Variants in DOCK7 observed in about 807,000 individuals in gnomAD.
The protein encoded by DOCK7 is dedicator of cytokinesis protein 7.
A neutral mutation model predicts 271.0 loss-of-function variants in DOCK7; 138 were observed. That is an observed-to-expected ratio of 0.51 (90% confidence interval 0.44 to 0.59). DOCK7 has a LOEUF of 0.59. Ranked by LOEUF, DOCK7 falls within the 20% of genes least tolerant of loss-of-function variation. The pLI is 0.00. For missense variants in DOCK7, 2,066 were observed against 2,592.4 expected, an observed-to-expected ratio of 0.80 and a Z score of 4.41; for synonymous variants, 823 against 876.1, an observed-to-expected ratio of 0.94 and a Z score of 1.07.
intron 14 of DOCK7, among the ~76,000 whole-genome samples, chr1:62,618,398 T>G (rs1421817583): frequency 6.6e-6 from 1 of 152,136 alleles, no homozygotes; most frequent in Non-Finnish European, 1.5e-5. Flanking sequence ...CACTAAGGTG[T>G]GATGCTCAGC....
In DOCK7 at chr1:62,640,584, T is replaced by A. The variant is rs796091192; in HGVS notation, c.819-3981A>T. ...TTTGTTCCCTTTCAAAGTGATTTAT[T>A]TGATTCTGATCACAAAATACAGGGA... On this transcript the variant is annotated intron_variant, in intron 7 of 49. Transcript: ENST00000635253. Among the ~76,000 whole-genome samples the A allele has an allele frequency of 1.9e-4, 29 of 152,288 alleles. 2 individuals carry two copies. The highest frequency in any genetic ancestry group is 6.5e-4 in the African/African-American group (27 of 41,554).
chr1:62,558,867 C>T (rs1390066386), intron 20 of DOCK7, 122 bp downstream of exon 20: 3 of 740,080 alleles, frequency 4.1e-6, no homozygotes, highest in African/African-American at 3.6e-5. Context: ...TAACATCTTC[C>T]ACCCCAAATC....
At chr1:62,518,026 C>T (rs1420607100) in intron 31 of DOCK7, among the ~76,000 whole-genome samples, 1 of 152,126 alleles carries the variant, frequency 6.6e-6, no homozygotes, top group Non-Finnish European at 1.5e-5. Flanking sequence ...CTATACATAT[C>T]AACATAAATG....
At chr1:62,637,062 A>G (rs1053829132) in intron 7 of DOCK7, among the ~76,000 whole-genome samples, 16 of 152,222 alleles carry the variant, frequency 1.1e-4, no homozygotes, top group Non-Finnish European at 1.5e-4. Context: ...ATCATAATTA[A>G]CAGTTTAATG....
chr1:62,586,485 A>T (rs1647543779), intron 15 of DOCK7, 22 bp downstream of exon 15: 4 of 1,531,550 alleles, frequency 2.6e-6, no homozygotes, highest in Admixed American at 2.0e-5. Flanking sequence ...AAAAATTAGA[A>T]AAGTAAAAGA....
chr1:62,469,809 A>G (rs1435125182), intron 48 of DOCK7, among the ~76,000 whole-genome samples: 1 of 152,180 alleles, frequency 6.6e-6, no homozygotes, highest in Non-Finnish European at 1.5e-5. Context: ...CATATGAAAA[A>G]ATGCTCAACA....
intron 16 of DOCK7, among the ~76,000 whole-genome samples, chr1:62,580,714 G>A (rs985751066): frequency 1.3e-5 from 2 of 152,052 alleles, no homozygotes; most frequent in African/African-American, 4.8e-5. Flanking sequence ...GCAACAGCAG[G>A]AATATAAGTA....
At chr1:62,501,166 AG>A (rs1646772656) in intron 37 of DOCK7, among the ~76,000 whole-genome samples, 1 of 152,180 alleles carries the variant, frequency 6.6e-6, no homozygotes, top group South Asian at 2.1e-4. Context: ...TGGGCAACAA[AG>A]TGAGTTCCTG....
rs1363917923 is a variant in DOCK7 at position 62,504,779 on chromosome 1, G to C, written c.4615C>G (p.Pro1539Ala). 6.2e-7 allele frequency: 1 copy of C among 1,609,496 alleles called. No individual in the cohort carries two copies. Among genetic ancestry groups the C allele is most frequent in the South Asian group, 1.1e-5 (1 of 89,702 alleles). ...ATQRALVSKF[P>A]ELLFEEETEQ... Reference sequence around the variant, plus strand: ...GTCTCTTCTTCAAATAAGAGTTCAGGAAACTGTAAAACAACAAAACAAACC... The same window carrying C: ...GTCTCTTCTTCAAATAAGAGTTCAGCAAACTGTAAAACAACAAAACAAACC... The change falls in exon 37 of 50, where the codon CCT (proline) becomes GCT (alanine). Residue 1539 changes from proline (P) to alanine (A), a missense_variant. Physicochemically the swap from Pro to Ala is conservative, Grantham distance 27 (BLOSUM62 -1). Around this residue, in one of 2 missense-constraint regions of DOCK7, gnomAD observed 652 missense variants for 922.1 expected, o/e 0.71. Transcript: ENST00000635253.
chr1:62,497,591 T>C (rs1417319843), intron 37 of DOCK7, among the ~76,000 whole-genome samples: 1 of 152,236 alleles, frequency 6.6e-6, no homozygotes, highest in Non-Finnish European at 1.5e-5. Flanking sequence ...TGTGTTCCAA[T>C]ATATCCTTTC....
At chr1:62,537,837 C>A in intron 28 of DOCK7, 54 bp downstream of exon 28, 1 of 1,512,170 alleles carries the variant, frequency 6.6e-7, no homozygotes, top group South Asian at 1.2e-5. Flanking sequence ...TTGTTTAAAA[C>A]TATTCTTCAC....
At position 62,663,035 on chromosome 1, in the gene DOCK7, T is replaced by C. The variant is rs1370309916; in HGVS notation, c.134A>G (p.His45Arg). 1.9e-6 allele frequency: 3 copies of C among 1,611,810 alleles called. No individual in the cohort carries two copies. The highest frequency in any genetic ancestry group is 1.7e-5 in the Admixed American group (1 of 59,952). Residue 45 changes from histidine (H) to arginine (R), a missense_variant, in exon 2 of 50, where the codon CAT (histidine) becomes CGT (arginine). His to Arg is a conservative substitution (Grantham distance 29, BLOSUM62 0). Transcript: ENST00000635253. ...KNLNIVGNIS[H>R]HTTVPLTEAV... The stretch of plus-strand genomic sequence containing the variant: ...GAATACGTTACTTACTGTGGTGTGA[T>C]GGGATATATTGCCAACAATATTAAG...
chr1:62,543,718 A>AC lies in DOCK7; in HGVS notation c.2886dup (p.Ser963ValfsTer20). 1 of 1,598,976 alleles carries AC rather than the reference A, an allele frequency of 6.3e-7. No homozygotes were observed. The highest frequency in any genetic ancestry group is 8.6e-7 in the Non-Finnish European group (1 of 1,169,076). ...AAACTTGACGTCTCTGTGTGCGAAG[A>AC]CATACGATTACAACTTCGATCCATA... On this transcript the variant is annotated frameshift_variant, in exon 24 of 50. Coordinates refer to ENST00000635253, the MANE Select transcript of DOCK7 (RefSeq NM_001367561.1). LOFTEE classifies it high-confidence loss of function.
At chr1:62,554,579 T>C (rs1017451420) in intron 21 of DOCK7, among the ~76,000 whole-genome samples, 64 of 150,116 alleles carry the variant, frequency 4.3e-4, no homozygotes, top group Admixed American at 2.0e-3. Flanking sequence ...AAATAAAACA[T>C]CCAGGAATTA....
chr1:62,629,737 C>T (rs755570522), intron 11 of DOCK7: 2 of 152,138 alleles, frequency 1.3e-5, no homozygotes, highest in African/African-American at 2.4e-5. Flanking sequence ...ATCAGTTCTT[C>T]AAAACTGTGA....
At chr1:62,501,727 A>G (rs954207380) in intron 37 of DOCK7, among the ~76,000 whole-genome samples, 3 of 152,060 alleles carry the variant, frequency 2.0e-5, no homozygotes, top group African/African-American at 7.2e-5. Context: ...TATGCACTCT[A>G]TGTATTTCTG....
In DOCK7 at chr1:62,529,408, T is replaced by C; in HGVS notation, c.3650A>G (p.His1217Arg). 1 of 1,612,794 alleles carries C rather than the reference T, an allele frequency of 6.2e-7. No homozygotes were observed. The highest frequency in any genetic ancestry group is 8.5e-7 in the Non-Finnish European group (1 of 1,179,654). The change falls in exon 30 of 50, where the codon CAC becomes CGC. Residue 1217 changes from histidine (H) to arginine (R), a missense_variant. His to Arg is a conservative substitution (Grantham distance 29, BLOSUM62 0). This residue lies in a region of DOCK7 where 1,414 missense variants were observed against 1,670.4 expected (regional missense o/e 0.85). Transcript: ENST00000635253. ...GLHKKVINMV[H>R]NLLSSHDSDP... ...TGAGTCGTGACTGGAGAGTAAATTGTGTACCATATTGATGACTTTCTTATG... is the reference window on the plus strand; with the variant it reads ...TGAGTCGTGACTGGAGAGTAAATTGCGTACCATATTGATGACTTTCTTATG...
At chr1:62,638,094 A>T (rs1473479277) in intron 7 of DOCK7, among the ~76,000 whole-genome samples, 2 of 152,168 alleles carry the variant, frequency 1.3e-5, no homozygotes, top group East Asian at 3.9e-4. Context: ...TGGATTTTTA[A>T]TGGGAATCTT....
intron 48 of DOCK7, among the ~76,000 whole-genome samples, chr1:62,465,705 C>A (rs991921605): frequency 1.3e-5 from 2 of 152,124 alleles, no homozygotes; most frequent in Non-Finnish European, 2.9e-5. Flanking sequence ...GTGTGTGCCA[C>A]CATACCTGGC....
Sources: allele counts gnomAD v4.1 joint callset (sites outside exome capture counted in the v4.1 genomes callset), GRCh38; gene constraint gnomAD v4.1.1; regional missense constraint gnomAD v4.1.1; transcripts MANE v1.5; gene names NCBI Gene and HGNC (gene_info 2026-07-23, HGNC 2026-07-21).